MPP7: variants seen among roughly 807,000 people sequenced by gnomAD.
MPP7 encodes the protein MAGUK p55 scaffold protein 7, also known as MAGUK p55 subfamily member 7.
A neutral mutation model predicts 76.5 loss-of-function variants in MPP7; 60 were observed. The observed-to-expected ratio is 0.78, with a 90% CI of 0.64 to 0.97. MPP7 has a LOEUF of 0.97. MPP7 is among the 50% of genes least tolerant of loss of function. The probability of loss-of-function intolerance (pLI) is 0.00; values close to 1 mark genes in which losing one functional copy is unlikely to be tolerated. For missense variants in MPP7, 641 were observed against 694.0 expected, an observed-to-expected ratio of 0.92 and a Z score of 0.86; for synonymous variants, 237 against 244.5, an observed-to-expected ratio of 0.97 and a Z score of 0.29.
intron 2 of MPP7, among the ~76,000 whole-genome samples, chr10:28,220,782 A>C (rs1156663085): frequency 1.3e-5 from 2 of 152,200 alleles, no homozygotes; most frequent in Non-Finnish European, 2.9e-5. Flanking sequence ...CATAGTCAAC[A>C]GAGATAAAGA....
chr10:28,285,756 G>C (rs76878652), intron 1 of MPP7, among the ~76,000 whole-genome samples: 3,955 of 151,784 alleles, frequency 0.026, 78 homozygotes, highest in East Asian at 0.071. Context: ...ATCAAATCAA[G>C]ATCTGATTAC....
At chr10:28,280,998 A>G (rs1276797113) in intron 1 of MPP7, among the ~76,000 whole-genome samples, 2 of 152,126 alleles carry the variant, frequency 1.3e-5, no homozygotes, top group African/African-American at 2.4e-5. Context: ...CCTCAATATG[A>G]CAGGCTTTGA....
At chr10:28,214,712 G>T (rs552424163) in intron 2 of MPP7, among the ~76,000 whole-genome samples, 1 of 152,258 alleles carries the variant, frequency 6.6e-6, no homozygotes, top group African/African-American at 2.4e-5. Context: ...TTGGGCATAG[G>T]CTGAACTAAC....
At chr10:28,219,782 C>T (rs1838437234) in intron 2 of MPP7, among the ~76,000 whole-genome samples, 1 of 152,020 alleles carries the variant, frequency 6.6e-6, no homozygotes, top group Non-Finnish European at 1.5e-5. Context: ...CCCAGAACAA[C>T]ACTATAAAAT....
At chr10:28,134,884 C>T (rs1474418921) in intron 5 of MPP7, among the ~76,000 whole-genome samples, 1 of 152,058 alleles carries the variant, frequency 6.6e-6, no homozygotes, top group African/African-American at 2.4e-5. Context: ...CAAATACCTT[C>T]AAAGTGCTTA....
intron 3 of MPP7, among the ~76,000 whole-genome samples, chr10:28,169,497 C>CA (rs1049116627): frequency 1.4e-5 from 2 of 147,574 alleles, no homozygotes; most frequent in Non-Finnish European, 3.0e-5. Flanking sequence ...GCCTGGGCAA[C>CA]AAAGCAAGAC....
At chr10:28,194,979 C>T (rs1445934798) in intron 3 of MPP7, among the ~76,000 whole-genome samples, 1 of 152,134 alleles carries the variant, frequency 6.6e-6, no homozygotes, top group Non-Finnish European at 1.5e-5. Context: ...GATATGGGAG[C>T]TATCTGTACC....
intron 1 of MPP7, among the ~76,000 whole-genome samples, chr10:28,263,787 T>C (rs889786605): frequency 6.6e-6 from 1 of 152,110 alleles, no homozygotes; most frequent in African/African-American, 2.4e-5. Context: ...TGTGGGAACC[T>C]TAGTGGTGAT....
chr10:28,236,397 T>G (rs977936950), intron 2 of MPP7, among the ~76,000 whole-genome samples: 32 of 151,970 alleles, frequency 2.1e-4, no homozygotes, highest in African/African-American at 7.7e-4. Flanking sequence ...CGGAAATATC[T>G]CTCCAAGAAT....
At chr10:28,273,952 A>G (rs150535645) in intron 1 of MPP7, among the ~76,000 whole-genome samples, 389 of 149,818 alleles carry the variant, frequency 2.6e-3, no homozygotes, top group Non-Finnish European at 4.2e-3. Context: ...TAACACAGAT[A>G]CCATCTCTAA....
chr10:28,276,278 G>A (rs537754300), intron 1 of MPP7, among the ~76,000 whole-genome samples: 43 of 152,092 alleles, frequency 2.8e-4, no homozygotes, highest in Middle Eastern at 6.8e-3. Context: ...TGATCCACCC[G>A]CCTCGGCCTC....
At chr10:28,302,512 G>A (rs1841182255) in intron 1 of MPP7, among the ~76,000 whole-genome samples, 1 of 152,168 alleles carries the variant, frequency 6.6e-6, no homozygotes, top group Admixed American at 6.5e-5. Flanking sequence ...CGGGGAGCCG[G>A]ACTCTGACTC....
chr10:28,112,167 C>A (rs879375768), intron 11 of MPP7, among the ~76,000 whole-genome samples: 2 of 152,082 alleles, frequency 1.3e-5, no homozygotes, highest in Non-Finnish European at 2.9e-5. Context: ...ACCTGTCATG[C>A]GCATCTAAAG....
intron 12 of MPP7, among the ~76,000 whole-genome samples, chr10:28,081,841 C>T (rs112084674): frequency 0.052 from 7,926 of 151,358 alleles, 241 homozygotes; most frequent in Middle Eastern, 0.11. Context: ...CAACCTCCAA[C>T]TCCCAGGTTC....
intron 1 of MPP7, among the ~76,000 whole-genome samples, chr10:28,332,515 T>C (rs1256357434): frequency 6.6e-6 from 1 of 152,180 alleles, no homozygotes; most frequent in Non-Finnish European, 1.5e-5. Flanking sequence ...AGTATAAACC[T>C]GTTAGAAATA....
At chr10:28,299,300 G>A (rs1841099218) in intron 1 of MPP7, among the ~76,000 whole-genome samples, 1 of 152,116 alleles carries the variant, frequency 6.6e-6, no homozygotes, top group African/African-American at 2.4e-5. Context: ...TGCCAATGTA[G>A]AGTTATTAAT....
At chr10:28,331,130 T>A (rs1244414959) in intron 1 of MPP7, among the ~76,000 whole-genome samples, 24 of 152,196 alleles carry the variant, frequency 1.6e-4, no homozygotes, top group Non-Finnish European at 5.9e-5. Context: ...TAGCTTGGGA[T>A]CTAGCATCTA....
chr10:28,329,572 A>T (rs1205280917), intron 2 of MPP7, among the ~76,000 whole-genome samples: 2 of 145,852 alleles, frequency 1.4e-5, no homozygotes, highest in Non-Finnish European at 3.0e-5. Context: ...GAGCTTGCAG[A>T]GAGCTGAGAG....
At position 28,162,303 on chromosome 10, in the gene MPP7, C is replaced by T. The variant is rs150612350; in HGVS notation, c.157-12244G>A. ...ACTGAGCCCACGAATTGATCACACACCCTACTCAGAATCCCACTGAAATAA... is the reference window on the plus strand; with the variant it reads ...ACTGAGCCCACGAATTGATCACACATCCTACTCAGAATCCCACTGAAATAA... On this transcript the variant is annotated intron_variant, in intron 3 of 16. Coordinates refer to ENST00000683449, the MANE Select transcript of MPP7 (RefSeq NM_001318170.2). 1.3e-3 allele frequency among the ~76,000 whole-genome samples: 204 copies of T among 152,230 alleles called. 1 individual carries two copies. Among genetic ancestry groups the T allele is most frequent in the African/African-American group, 4.8e-3 (198 of 41,520 alleles).
Sources: allele counts gnomAD v4.1 joint callset (sites outside exome capture counted in the v4.1 genomes callset), GRCh38; gene constraint gnomAD v4.1.1; transcripts MANE v1.5; gene names NCBI Gene and HGNC (gene_info 2026-07-23, HGNC 2026-07-21).